The following PDE1C variants were observed in gnomAD, a reference collection of about 807,000 sequenced individuals.
PDE1C encodes the protein phosphodiesterase 1C.
In PDE1C, 62 loss-of-function variants were observed where a neutral mutation model predicts 93.1. The observed-to-expected ratio is 0.67, with a 90% CI of 0.54 to 0.82. The LOEUF (loss-of-function observed/expected upper bound fraction) is 0.82. PDE1C is among the 40% of genes least tolerant of loss of function. The probability of loss-of-function intolerance (pLI) is 0.00; values close to 1 mark genes in which losing one functional copy is unlikely to be tolerated. For synonymous variants in PDE1C, 325 were observed against 310.1 expected, an observed-to-expected ratio of 1.05 and a Z score of -0.50; for missense variants, 742 against 884.6, an observed-to-expected ratio of 0.84 and a Z score of 2.04.
chr7:31,931,535 A>G lies in PDE1C; in HGVS notation c.129-50675T>C, dbSNP rs112177835. ...ACCTAGGAATACAACTTACAAACGA[A>G]GTGAAGGACCTCTTCAAGGAGAACT... On this transcript the variant is annotated intron_variant, in intron 2 of 17. Transcript: ENST00000396191. Among the ~76,000 whole-genome samples the G allele has an allele frequency of 9.0e-3, 1,363 of 152,244 alleles. 21 individuals carry two copies. The highest frequency in any genetic ancestry group is 0.031 in the African/African-American group (1,278 of 41,544).
chr7:31,655,512 A>G, the PDE1C span, among the ~76,000 whole-genome samples: 1 of 152,166 alleles, frequency 6.6e-6, no homozygotes. Context: ...GTGAATACCC[A>G]GAAAGTACTT....
At position 31,879,193 on chromosome 7, in the gene PDE1C, C is replaced by A. The variant is rs1409961792; in HGVS notation, c.243-15G>T. The A allele has an allele frequency of 6.2e-7, 1 of 1,605,992 alleles. No homozygotes were observed. Among genetic ancestry groups the A allele is most frequent in the South Asian group, 1.1e-5 (1 of 90,840 alleles). On this transcript the variant is annotated splice_polypyrimidine_tract_variant and intron_variant, in intron 3 of 17. Transcript: ENST00000396191. The stretch of plus-strand genomic sequence containing the variant: ...CCAGGAGTCTCCTGAACACAAGAAA[C>A]AGAATCAGCACACTGAGATTAAATC...
rs772872892 is a variant in PDE1C, at chr7:31,816,009, G to A, written c.1728C>T (p.Val576=). The change falls in exon 15 of 18, where the codon GTC becomes GTT. Residue 576 remains valine, a synonymous_variant. Transcript: ENST00000396191. The stretch of plus-strand genomic sequence containing the variant: ...CACTTTTGTTTGCCCGTGTTCCATT[G>A]ACTTGATTCTTAGTTTCTCCAGACG... ...KKTSGETKNQ[V]NGTRANKSDN... 1.2e-6 allele frequency: 2 copies of A among 1,613,954 alleles called. No individual in the cohort carries two copies. The highest frequency in any genetic ancestry group is 1.7e-6 in the Non-Finnish European group (2 of 1,179,910).
intron 16 of PDE1C, among the ~76,000 whole-genome samples, chr7:31,799,515 T>C (rs1427151816): frequency 6.6e-6 from 1 of 151,706 alleles, no homozygotes; most frequent in African/African-American, 2.4e-5. Context: ...AATTCATTTA[T>C]GTACTCCATT....
Position 32,169,931 on chromosome 7 carries a change from C to T in PDE1C, c.162G>A (p.Trp54Ter). Reference sequence around the variant, plus strand: ...CTGTGAGCCCATCGATGAGGGAGTTCCACAGACAGTTCTGTGACTTAGACC... The same window carrying T: ...CTGTGAGCCCATCGATGAGGGAGTTTCACAGACAGTTCTGTGACTTAGACC... The change falls in exon 3 of 19, where the codon TGG becomes TGA. Residue 54 changes from tryptophan to a stop codon, truncating the protein, a stop_gained. Coordinates refer to the PDE1C transcript ENST00000396193. LOFTEE classifies it high-confidence loss of function. The T allele has an allele frequency of 6.2e-7, 1 of 1,612,532 alleles. No individual in the cohort carries two copies.
chr7:32,420,124 T>TATATGTAC (rs1207972839), intron 1 of PDE1C, among the ~76,000 whole-genome samples: 1 of 13,096 alleles, frequency 7.6e-5, no homozygotes, highest in Non-Finnish European at 1.4e-4. Context: ...TATATATATA[T>TATATGTAC]ACACACACAC....
intron 1 of PDE1C, among the ~76,000 whole-genome samples, chr7:32,255,029 C>T (rs1013053208): frequency 1.3e-5 from 2 of 152,204 alleles, no homozygotes. Context: ...TTAGATGAAA[C>T]ATGAACCTTT....
chr7:31,792,079 A>T (rs1183418786), intron 16 of PDE1C, among the ~76,000 whole-genome samples: 2 of 152,060 alleles, frequency 1.3e-5, no homozygotes, highest in Non-Finnish European at 2.9e-5. Flanking sequence ...AAGAACAAGA[A>T]GCATATGTTC....
chr7:32,148,393 A>T (rs1362219678), intron 3 of PDE1C, among the ~76,000 whole-genome samples: 1 of 152,190 alleles, frequency 6.6e-6, no homozygotes, highest in East Asian at 1.9e-4. Context: ...CTTAGAAATC[A>T]GTGTGTAATT....
chr7:32,322,289 T>A (rs71530587), intron 1 of PDE1C, among the ~76,000 whole-genome samples: 3 of 151,978 alleles, frequency 2.0e-5, no homozygotes, highest in Admixed American at 1.3e-4. Flanking sequence ...TTCAAAAAGC[T>A]CATAATTGAA....
At chr7:31,702,203 A>AT in the PDE1C span, among the ~76,000 whole-genome samples, 64 of 125,354 alleles carry the variant, frequency 5.1e-4, no homozygotes, top group African/African-American at 1.9e-3. Context: ...TTTCACCCTT[A>AT]TTTATTTTTT....
At chr7:31,844,007 C>T (rs1792234047) in intron 9 of PDE1C, among the ~76,000 whole-genome samples, 2 of 151,742 alleles carry the variant, frequency 1.3e-5, no homozygotes, top group Non-Finnish European at 3.0e-5. Flanking sequence ...GGTCCATTTA[C>T]TAACATTAAC....
intron 2 of PDE1C, among the ~76,000 whole-genome samples, chr7:32,207,049 C>A (rs1289623170): frequency 1.3e-5 from 2 of 152,168 alleles, no homozygotes; most frequent in African/African-American, 4.8e-5. Flanking sequence ...TAACTGAAGT[C>A]AGGTTGATTG....
intron 3 of PDE1C, among the ~76,000 whole-genome samples, chr7:32,124,272 T>C (rs2107959): frequency 0.2 from 30,884 of 152,146 alleles, 3,782 homozygotes; most frequent in Middle Eastern, 0.31. Context: ...AAAATGGCCA[T>C]ATTGACCAAA....
chr7:32,117,673 C>T (rs1159735538), intron 3 of PDE1C, among the ~76,000 whole-genome samples: 1 of 152,146 alleles, frequency 6.6e-6, no homozygotes, highest in Non-Finnish European at 1.5e-5. Context: ...TGTAATTTGT[C>T]CTTTCACTTA....
Position 31,816,147 on chromosome 7 carries a change from C to T in PDE1C, c.1590G>A (p.Lys530=). Residue 530 remains lysine, a synonymous_variant, in exon 15 of 18, where the codon AAG becomes AAA. Coordinates refer to ENST00000396191, the MANE Select transcript of PDE1C (RefSeq NM_001191057.4). ...RWRAKVPKEE[K]AKKEAEEKAR... Reference sequence around the variant, plus strand: ...CCTTTTCCTCTGCTTCCTTCTTGGCCTTCTCCTCTGCATCCATGGCAAGTT... The same window carrying T: ...CCTTTTCCTCTGCTTCCTTCTTGGCTTTCTCCTCTGCATCCATGGCAAGTT... 1 of 1,613,548 alleles carries T rather than the reference C, an allele frequency of 6.2e-7. No individual in the cohort carries two copies. Among genetic ancestry groups the T allele is most frequent in the Non-Finnish European group, 8.5e-7 (1 of 1,179,810 alleles).
chr7:32,038,959 A>G (rs1188745675), intron 2 of PDE1C, among the ~76,000 whole-genome samples: 1 of 152,230 alleles, frequency 6.6e-6, no homozygotes, highest in Non-Finnish European at 1.5e-5. Flanking sequence ...AGAATGAATC[A>G]GCAGGAAAGA....
chr7:32,285,471 G>A (rs1406756462), intron 1 of PDE1C, among the ~76,000 whole-genome samples: 2 of 151,796 alleles, frequency 1.3e-5, no homozygotes, highest in Non-Finnish European at 2.9e-5. Flanking sequence ...ATTAGTTAAT[G>A]GATAAACAAA....
At chr7:31,720,600 C>G in the PDE1C span, among the ~76,000 whole-genome samples, 2 of 152,170 alleles carry the variant, frequency 1.3e-5, no homozygotes, top group Non-Finnish European at 2.9e-5. Flanking sequence ...AATCTGCAGC[C>G]GGTCTCCCAT....
Sources: gnomAD v4.1 joint callset for allele counts (sites outside exome capture counted in the v4.1 genomes callset) on GRCh38, gnomAD v4.1.1 for gene constraint, MANE v1.5 for transcripts, NCBI Gene and HGNC (gene_info 2026-07-23, HGNC 2026-07-21) for gene names.